COG5: variants seen among roughly 807,000 people sequenced by gnomAD.
COG5 encodes component of oligomeric golgi complex 5.
Under a neutral mutation model 110.4 loss-of-function variants are expected in COG5, and 86 were observed. The ratio of observed to expected loss-of-function variants is 0.78; its 90% CI spans 0.65 to 0.93. The LOEUF (loss-of-function observed/expected upper bound fraction) is 0.93. COG5 is among the 40% of genes least tolerant of loss of function. The probability of loss-of-function intolerance (pLI) is 0.00; values close to 1 mark genes in which losing one functional copy is unlikely to be tolerated. For synonymous variants in COG5, 360 were observed against 334.6 expected (o/e 1.08, Z -0.83); for missense variants, 1,077 against 987.0 (o/e 1.09, Z -1.22).
At chr7:107,485,772 C>T (rs1274870568) in intron 6 of COG5, among the ~76,000 whole-genome samples, 6 of 152,066 alleles carry the variant, frequency 3.9e-5, no homozygotes, top group African/African-American at 1.2e-4. Context: ...TACTTGCTTA[C>T]AGAAGCAGAG....
chr7:107,494,445 G>A (rs905544502), intron 6 of COG5, among the ~76,000 whole-genome samples: 4 of 152,256 alleles, frequency 2.6e-5, no homozygotes, highest in Admixed American at 2.6e-4. Flanking sequence ...TATTGCCTAC[G>A]ATGTCACAGC....
intron 14 of COG5, among the ~76,000 whole-genome samples, chr7:107,274,648 G>GAC (rs755735372): frequency 2.0e-5 from 3 of 152,120 alleles, no homozygotes; most frequent in Non-Finnish European, 4.4e-5. Context: ...CCTCAGAAAA[G>GAC]ACACCTAGCT....
chr7:107,401,068 C>T (rs767938892), intron 7 of COG5, among the ~76,000 whole-genome samples: 40 of 152,048 alleles, frequency 2.6e-4, no homozygotes, highest in Non-Finnish European at 5.6e-4. Flanking sequence ...TTGCACACTA[C>T]GTATGCTGTT....
At chr7:107,208,044 C>A in intron 21 of COG5, 3 of 985,426 alleles carry the variant, frequency 3.0e-6, no homozygotes, top group Non-Finnish European at 3.6e-6. Context: ...GAAAGAAATT[C>A]ATCCAGTGAT....
At chr7:107,335,227 T>C (rs1289379461) in intron 10 of COG5, among the ~76,000 whole-genome samples, 5 of 152,088 alleles carry the variant, frequency 3.3e-5, no homozygotes, top group African/African-American at 4.8e-5. Context: ...CTGCCTCTAC[T>C]AAAAATACAA....
chr7:107,366,812 G>C (rs1813666622), intron 8 of COG5, among the ~76,000 whole-genome samples: 1 of 152,110 alleles, frequency 6.6e-6, no homozygotes, highest in Admixed American at 6.6e-5. Context: ...GTGAAGAGGA[G>C]TGAGTGATGA....
chr7:107,379,890 T>C (rs563407562), intron 7 of COG5, among the ~76,000 whole-genome samples: 7 of 152,212 alleles, frequency 4.6e-5, no homozygotes, highest in African/African-American at 1.7e-4. Flanking sequence ...TTTATAAGGA[T>C]ATCAGGACTT....
intron 13 of COG5, among the ~76,000 whole-genome samples, chr7:107,283,188 C>T (rs1027651502): frequency 1.6e-4 from 25 of 152,172 alleles, no homozygotes; most frequent in African/African-American, 5.3e-4. Flanking sequence ...CCATGAAGCA[C>T]GTTCTGGAGT....
chr7:107,210,670 T>C (rs541886423), intron 20 of COG5, 65 bp from the exon 21 acceptor site: 1 of 1,518,238 alleles, frequency 6.6e-7, no homozygotes, highest in East Asian at 2.4e-5. Context: ...CAGCAAGTGC[T>C]GGTTCGAAAA....
chr7:107,256,665 C>T (rs889685990), intron 16 of COG5, 67 bp downstream of exon 16: 5 of 990,610 alleles, frequency 5.0e-6, no homozygotes, highest in Admixed American at 3.6e-5. Flanking sequence ...GTGACATTGC[C>T]CACTCAGCAA....
intron 14 of COG5, among the ~76,000 whole-genome samples, chr7:107,263,529 G>C (rs2116663458): frequency 6.6e-6 from 1 of 152,148 alleles, no homozygotes; most frequent in South Asian, 2.1e-4. Flanking sequence ...GAAACAAGAA[G>C]AGTTGCATTT....
At chr7:107,507,033 A>G (rs1404043439) in intron 6 of COG5, among the ~76,000 whole-genome samples, 12 of 152,134 alleles carry the variant, frequency 7.9e-5, no homozygotes, top group Non-Finnish European at 1.5e-4. Flanking sequence ...CTACTTTTAT[A>G]TATGTCACCA....
In COG5 at chr7:107,435,449, TTGAGACCAGCC is replaced by T. The variant is rs1378280647; in HGVS notation, c.539-22828_539-22818del. Among the ~76,000 whole-genome samples the T allele has an allele frequency of 3.3e-5, 5 of 152,228 alleles. No homozygotes were observed. The South Asian group carries it at 6.2e-4, about 19-fold the overall frequency. On this transcript the variant is annotated intron_variant, in intron 6 of 21. Coordinates refer to ENST00000297135, the MANE Select transcript of COG5 (RefSeq NM_006348.5). The stretch of plus-strand genomic sequence containing the variant: ...AGGTGGATCACTTGAGGTCAGGAAT[TTGAGACCAGCC>T]TGACCAACATGGTGAAACCTCGTTT...
At chr7:107,214,335 A>C (rs1799372438) in intron 19 of COG5, among the ~76,000 whole-genome samples, 3 of 152,172 alleles carry the variant, frequency 2.0e-5, no homozygotes, top group African/African-American at 4.8e-5. Context: ...GCATAAAATG[A>C]GATGATATAT....
intron 18 of COG5, among the ~76,000 whole-genome samples, chr7:107,234,197 C>T (rs1234662728): frequency 6.6e-6 from 1 of 152,142 alleles, no homozygotes; most frequent in Middle Eastern, 3.2e-3. Context: ...AACCAAATGT[C>T]ACTGCAGGGC....
intron 10 of COG5, among the ~76,000 whole-genome samples, chr7:107,334,482 G>A (rs938452046): frequency 6.6e-6 from 1 of 151,756 alleles, no homozygotes; most frequent in Non-Finnish European, 1.5e-5. Context: ...CTACCCCAAG[G>A]CATATAATAA....
At chr7:107,271,481 A>C (rs1216154919) in intron 14 of COG5, among the ~76,000 whole-genome samples, 2 of 152,148 alleles carry the variant, frequency 1.3e-5, no homozygotes, top group Non-Finnish European at 2.9e-5. Flanking sequence ...TATAGTTTTC[A>C]GTGTAAAGTC....
intron 10 of COG5, among the ~76,000 whole-genome samples, chr7:107,358,315 AAATG>A (rs1182908659): frequency 6.6e-6 from 1 of 152,232 alleles, no homozygotes; most frequent in Non-Finnish European, 1.5e-5. Context: ...AAACCACAAC[AAATG>A]AATGAAAACA....
intron 11 of COG5, among the ~76,000 whole-genome samples, chr7:107,299,101 C>T (rs932733111): frequency 2.6e-5 from 4 of 151,910 alleles, no homozygotes; most frequent in African/African-American, 9.7e-5. Context: ...AATCAATGAC[C>T]TAAACTTCCA....
Sources: gnomAD v4.1 joint callset for allele counts (sites outside exome capture counted in the v4.1 genomes callset) on GRCh38, gnomAD v4.1.1 for gene constraint, MANE v1.5 for transcripts, NCBI Gene and HGNC (gene_info 2026-07-23, HGNC 2026-07-21) for gene names.